Variants in SRSF11 observed in about 807,000 individuals in gnomAD.
The protein encoded by SRSF11 is serine/arginine-rich splicing factor 11.
Under a neutral mutation model 56.0 loss-of-function variants are expected in SRSF11, and 9 were observed. That is an observed-to-expected ratio of 0.16 (90% CI 0.10 to 0.28). The LOEUF (loss-of-function observed/expected upper bound fraction) is 0.28, where lower values mean the gene tolerates loss of function less well. Ranked by LOEUF, SRSF11 falls within the 10% of genes least tolerant of loss-of-function variation. SRSF11 has a pLI of 1.00. For missense variants in SRSF11, 421 were observed against 600.7 expected, an observed-to-expected ratio of 0.70 and a Z score of 3.13; for synonymous variants, 222 against 215.3, an observed-to-expected ratio of 1.03 and a Z score of -0.27.
rs568954551 is a variant in SRSF11 at position 70,227,525 on chromosome 1, C to T, written c.204-897C>T. ...TCTAATACACATTAGAGTGTATTAACTAGGGATGGTGTGTTTATTTCTGCC... is the reference window on the plus strand; with the variant it reads ...TCTAATACACATTAGAGTGTATTAATTAGGGATGGTGTGTTTATTTCTGCC... On this transcript the variant is annotated intron_variant, in intron 1 of 11. Coordinates refer to ENST00000370949, the MANE Select transcript of SRSF11 (RefSeq NM_001350605.2). Among the ~76,000 whole-genome samples the T allele has an allele frequency of 2.0e-5, 3 of 152,288 alleles. No individual in the cohort carries two copies. In the South Asian group the frequency reaches 6.2e-4, roughly 32 times the overall value.
intron 6 of SRSF11, among the ~76,000 whole-genome samples, chr1:70,237,926 TC>T (rs1331959884): frequency 6.6e-6 from 1 of 152,218 alleles, no homozygotes; most frequent in Non-Finnish European, 1.5e-5. Context: ...TTTTCATTGA[TC>T]AAGAGAACCT....
chr1:70,217,151 GTTGTTTT>G (rs576134116), upstream of SRSF11, among the ~76,000 whole-genome samples: 562 of 151,716 alleles, frequency 3.7e-3, 3 homozygotes, highest in African/African-American at 0.013. Flanking sequence ...TTTTTTTGTT[GTTGTTTT>G]TTGTTTTTTG....
chr1:70,217,334 T>C (rs1387019879), upstream of SRSF11, among the ~76,000 whole-genome samples: 1 of 152,100 alleles, frequency 6.6e-6, no homozygotes, highest in Non-Finnish European at 1.5e-5. Context: ...AATTTTGTAT[T>C]TTTAGTAGAG....
intron 1 of SRSF11, among the ~76,000 whole-genome samples, chr1:70,214,893 A>G: frequency 6.9e-6 from 1 of 143,974 alleles, no homozygotes; most frequent in Non-Finnish European, 1.5e-5. Context: ...TCTGCAGATA[A>G]GTTTTTTTTT....
At chr1:70,247,763 T>C in intron 9 of SRSF11, among the ~76,000 whole-genome samples, 1 of 152,112 alleles carries the variant, frequency 6.6e-6, no homozygotes, top group South Asian at 2.1e-4. Flanking sequence ...AGTAAAAACC[T>C]AGAGTGCTAG....
intron 9 of SRSF11, chr1:70,248,563 G>A (rs908423858): frequency 2.0e-5 from 3 of 152,074 alleles, no homozygotes; most frequent in Admixed American, 6.5e-5. Context: ...CCAAATGTAA[G>A]TACAGAAGGA....
At chr1:70,240,564 A>G (rs1161384202) in intron 7 of SRSF11, among the ~76,000 whole-genome samples, 1 of 152,026 alleles carries the variant, frequency 6.6e-6, no homozygotes, top group Non-Finnish European at 1.5e-5. Flanking sequence ...GACAATATAA[A>G]AGCCATTGCT....
intron 1 of SRSF11, 52 bp downstream of exon 1, chr1:70,221,891 CTAACA>C: frequency 6.2e-7 from 1 of 1,604,520 alleles, no homozygotes; most frequent in Non-Finnish European, 8.5e-7. Flanking sequence ...CAGCCTGGGC[CTAACA>C]CACACAATTT....
Position 70,239,506 on chromosome 1 carries a change from A to G in SRSF11, c.786A>G (p.Ser262=), listed in dbSNP as rs1258592951. The change falls in exon 7 of 12, where the codon TCA becomes TCG. Residue 262 remains serine (S), a synonymous_variant. Coordinates refer to ENST00000370949, the MANE Select transcript of SRSF11 (RefSeq NM_001350605.2). ...GTTCTAGGAGGAGGAGGACTCCCTC[A>G]TCTTCTAGACACAGGTTAGATTGCT... The part of the protein sequence containing the change: ...RSRSRRRRTP[S]SSRHRRSRSR... The G allele has an allele frequency of 2.5e-6, 4 of 1,607,148 alleles. No individual in the cohort carries two copies. Among genetic ancestry groups the G allele is most frequent in the African/African-American group, 1.3e-5 (1 of 74,320 alleles).
At chr1:70,243,635 GAA>G (rs1676060389) in intron 7 of SRSF11, among the ~76,000 whole-genome samples, 1 of 152,180 alleles carries the variant, frequency 6.6e-6, no homozygotes, top group Non-Finnish European at 1.5e-5. Context: ...ACCTTGAAAA[GAA>G]AAGTAGGCAG....
At chr1:70,238,938 T>A (rs1674710153) in intron 6 of SRSF11, among the ~76,000 whole-genome samples, 1 of 152,218 alleles carries the variant, frequency 6.6e-6, no homozygotes. Context: ...TTGGATGATT[T>A]GCAATTTATA....
At chr1:70,226,066 G>T (rs1004374912) in intron 1 of SRSF11, among the ~76,000 whole-genome samples, 1 of 151,858 alleles carries the variant, frequency 6.6e-6, no homozygotes, top group African/African-American at 2.4e-5. Flanking sequence ...TGGCGTGTGC[G>T]TGTAATCCCA....
chr1:70,209,478 A>G lies in SRSF11; in HGVS notation c.-26+3698A>G, dbSNP rs115817688. ...GTATGAGAGCTGCTATCTTATGGTA[A>G]AAGTTGTTTATTGAGAGAACATTTT... On this transcript the variant is annotated intron_variant, in intron 1 of 12. Coordinates refer to the SRSF11 transcript ENST00000370950. 8.8e-3 allele frequency among the ~76,000 whole-genome samples: 1,339 copies of G among 152,290 alleles called. 22 individuals carry two copies. The highest frequency in any genetic ancestry group is 0.03 in the African/African-American group (1,263 of 41,566).
intron 1 of SRSF11, among the ~76,000 whole-genome samples, chr1:70,208,857 T>G: frequency 6.6e-6 from 1 of 152,202 alleles, no homozygotes; most frequent in East Asian, 1.9e-4. Flanking sequence ...AAGCAAAAAT[T>G]CTAACTCTTT....
At chr1:70,228,168 C>T (rs1416743966) in intron 1 of SRSF11, among the ~76,000 whole-genome samples, 2 of 152,148 alleles carry the variant, frequency 1.3e-5, no homozygotes, top group Non-Finnish European at 2.9e-5. Context: ...TCTGAGACTT[C>T]AGTACCAAAT....
intron 2 of SRSF11, chr1:70,230,348 C>G: frequency 8.5e-6 from 9 of 1,062,326 alleles, no homozygotes; most frequent in Non-Finnish European, 1.0e-5. Flanking sequence ...CCAGATTTAG[C>G]TATTACACTT....
intron 8 of SRSF11, among the ~76,000 whole-genome samples, chr1:70,245,103 C>T (rs1676446104): frequency 6.6e-6 from 1 of 152,136 alleles, no homozygotes; most frequent in African/African-American, 2.4e-5. Flanking sequence ...GTTTTATTTC[C>T]ATCTAAAAAT....
intron 2 of SRSF11, 56 bp from the exon 3 acceptor site, chr1:70,232,212 G>A (rs759175040): frequency 1.2e-5 from 20 of 1,613,390 alleles, no homozygotes; most frequent in Non-Finnish European, 1.4e-5. Flanking sequence ...GGGTGTTTTT[G>A]TGTGTTTTCT....
At position 70,228,090 on chromosome 1, in the gene SRSF11, C is replaced by T. The variant is rs754936606; in HGVS notation, c.204-332C>T. The stretch of plus-strand genomic sequence containing the variant: ...TTTCTAAGCCCCAAACTACTGTTAC[C>T]TGTATCTAAAAATAGCTGGTATTGG... On this transcript the variant is annotated intron_variant, in intron 1 of 11. Transcript: ENST00000370949. Among the ~76,000 whole-genome samples the T allele has an allele frequency of 2.0e-5, 3 of 152,124 alleles. No homozygotes were observed. The South Asian group carries it at 6.2e-4, about 31-fold the overall frequency.
Sources: allele counts gnomAD v4.1 joint callset (sites outside exome capture counted in the v4.1 genomes callset), GRCh38; gene constraint gnomAD v4.1.1; transcripts MANE v1.5; gene names NCBI Gene and HGNC (gene_info 2026-07-23, HGNC 2026-07-21).